Variants in B9D1 observed in about 807,000 individuals in gnomAD.
B9D1 encodes B9 domain-containing protein 1.
Under a neutral mutation model 26.1 loss-of-function variants are expected in B9D1, and 20 were observed. That is an observed-to-expected ratio of 0.77 (90% confidence interval 0.54 to 1.12). The LOEUF is 1.12. Ranked by LOEUF, B9D1 falls within the 50% of genes most tolerant of loss-of-function variation. The pLI, the probability that B9D1 is intolerant of heterozygous loss-of-function variation, is 0.00. For synonymous variants in B9D1, 105 were observed against 103.1 expected, an observed-to-expected ratio of 1.02 and a Z score of -0.11; for missense variants, 260 against 273.7, an observed-to-expected ratio of 0.95 and a Z score of 0.35.
At chr17:19,355,515 CTCTG>C (rs1475235934) in intron 3 of B9D1, among the ~76,000 whole-genome samples, 2 of 139,982 alleles carry the variant, frequency 1.4e-5, no homozygotes. Context: ...CAGAGCAAGA[CTCTG>C]TCTGCAATTA....
chr17:19,346,961 C>G (rs1457154013), intron 5 of B9D1: 1 of 1,506,370 alleles, frequency 6.6e-7, no homozygotes, highest in African/African-American at 1.4e-5. Flanking sequence ...CCTCTTGTTT[C>G]CCACCTTTTA....
Position 19,358,719 on chromosome 17 carries a change from T to C in B9D1, c.133-768A>G, listed in dbSNP as rs1274643026. On this transcript the variant is annotated intron_variant, in intron 2 of 6. Transcript: ENST00000261499. ...AGTGTTGCCGTCCTAAGGCTGCATC[T>C]TTGGCCAGCTCCTCTACCTGTACTT... Among the ~76,000 whole-genome samples the C allele has an allele frequency of 1.3e-5, 2 of 152,186 alleles. 1 individual carries two copies. Among genetic ancestry groups the C allele is most frequent in the Admixed American group, 1.3e-4 (2 of 15,288 alleles).
intron 3 of B9D1, among the ~76,000 whole-genome samples, chr17:19,356,537 G>GCTA (rs1910383439): frequency 6.6e-6 from 1 of 152,152 alleles, no homozygotes; most frequent in South Asian, 2.1e-4. Context: ...TTATTCCTAG[G>GCTA]GCAGCTCTTT....
upstream of B9D1, chr17:19,363,079 A>G (rs1911348747): frequency 5.3e-6 from 1 of 187,318 alleles, no homozygotes; most frequent in African/African-American, 2.4e-5. Context: ...GCTGCAGAGC[A>G]CGGGCGACGT....
chr17:19,349,346 C>T (rs752407741), intron 3 of B9D1, among the ~76,000 whole-genome samples: 54 of 151,908 alleles, frequency 3.6e-4, no homozygotes, highest in South Asian at 4.2e-4. Flanking sequence ...GTCTCTTGCC[C>T]GGTTTTCTAC....
At chr17:19,368,521 T>C (rs1182160156) in intron 1 of B9D1, among the ~76,000 whole-genome samples, 1 of 152,116 alleles carries the variant, frequency 6.6e-6, no homozygotes, top group African/African-American at 2.4e-5. Context: ...TCCCTACTAG[T>C]AGGGCTCAGT....
intron 3 of B9D1, among the ~76,000 whole-genome samples, chr17:19,356,875 G>A (rs1910423336): frequency 1.3e-5 from 2 of 152,112 alleles, no homozygotes; most frequent in South Asian, 2.1e-4. Flanking sequence ...GAGGAGGTTC[G>A]TCCAGTACCT....
At chr17:19,343,142 T>TAAAC, downstream of B9D1, 1 of 1,436,216 alleles carries the variant, frequency 7.0e-7, no homozygotes. Flanking sequence ...GGGGAGGGGC[T>TAAAC]AAACAGGAGA....
At chr17:19,341,098 T>C (rs991898188), downstream of B9D1, 37 of 1,222,404 alleles carry the variant, frequency 3.0e-5, no homozygotes, top group African/African-American at 5.6e-4. Flanking sequence ...ATTTAGACAT[T>C]TCAGTAATGT....
intron 3 of B9D1, among the ~76,000 whole-genome samples, chr17:19,355,601 G>A (rs1001205088): frequency 4.0e-5 from 6 of 151,716 alleles, no homozygotes; most frequent in African/African-American, 4.8e-5. Flanking sequence ...AGGCTGAGGC[G>A]GGCAGATCAC....
At chr17:19,369,359 GT>G (rs1567911438) in intron 1 of B9D1, among the ~76,000 whole-genome samples, 2 of 152,212 alleles carry the variant, frequency 1.3e-5, no homozygotes, top group African/African-American at 4.8e-5. Flanking sequence ...CGCGTTCGGT[GT>G]GTCATGCTGG....
downstream of B9D1, chr17:19,341,290 T>C: frequency 1.6e-6 from 2 of 1,231,960 alleles, no homozygotes; most frequent in Non-Finnish European, 1.0e-6. Flanking sequence ...GGTGAGGCCA[T>C]GGACAGAGAA....
At chr17:19,373,019 G>A (rs1014272894) in intron 1 of B9D1, among the ~76,000 whole-genome samples, 20 of 152,076 alleles carry the variant, frequency 1.3e-4, no homozygotes, top group South Asian at 2.1e-4. Flanking sequence ...TGGCTGAGCC[G>A]GACTCCCTGT....
intron 1 of B9D1, among the ~76,000 whole-genome samples, chr17:19,375,252 C>T (rs1027317137): frequency 6.6e-5 from 10 of 151,546 alleles, no homozygotes; most frequent in South Asian, 2.1e-4. Flanking sequence ...ATCCTACCAC[C>T]GCACTCTAGC....
chr17:19,373,189 G>A (rs1315669851), intron 1 of B9D1, among the ~76,000 whole-genome samples: 1 of 152,158 alleles, frequency 6.6e-6, no homozygotes, highest in East Asian at 1.9e-4. Context: ...TGAAATGAGG[G>A]TAAGGTTCTG....
chr17:19,343,667 C>T, intron 6 of B9D1, 123 bp downstream of exon 6: 1 of 1,604,962 alleles, frequency 6.2e-7, no homozygotes, highest in Non-Finnish European at 8.5e-7. Context: ...CATCTGGGAA[C>T]ATTTGTGGGC....
At chr17:19,346,361 C>A (rs963248818) in intron 5 of B9D1, among the ~76,000 whole-genome samples, 24 of 152,350 alleles carry the variant, frequency 1.6e-4, no homozygotes, top group Middle Eastern at 3.4e-3. Flanking sequence ...GCCCTGGGCG[C>A]GATGCTGTCC....
In B9D1 at chr17:19,362,709, G is replaced by T; in HGVS notation, c.-140C>A. On this transcript the variant is annotated 5_prime_UTR_variant, in exon 1 of 7. Coordinates refer to ENST00000261499, the MANE Select transcript of B9D1 (RefSeq NM_015681.6). ...ACACCTTCGCGAAGGCCACGCGAGTGCGCGTGTGGCATGCGCAGGCGCAGT... is the reference window on the plus strand; with the variant it reads ...ACACCTTCGCGAAGGCCACGCGAGTTCGCGTGTGGCATGCGCAGGCGCAGT... The T allele has an allele frequency of 6.5e-7, 1 of 1,531,138 alleles. No homozygotes were observed. Among genetic ancestry groups the T allele is most frequent in the South Asian group, 1.2e-5 (1 of 83,484 alleles). 94.8% of individuals were successfully genotyped at this position (1,531,138 alleles called of 1,614,324 possible). A position where few individuals can be genotyped will look rare whatever the true frequency, so the allele number is the denominator to read the frequency against.
intron 1 of B9D1, among the ~76,000 whole-genome samples, chr17:19,374,382 A>G (rs1912016401): frequency 6.6e-6 from 1 of 152,222 alleles, no homozygotes; most frequent in Admixed American, 6.5e-5. Flanking sequence ...CCCATTTTTG[A>G]CAGGCAAATA....
Sources: gnomAD v4.1 joint callset for allele counts (sites outside exome capture counted in the v4.1 genomes callset) on GRCh38, gnomAD v4.1.1 for gene constraint, MANE v1.5 for transcripts, NCBI Gene and HGNC (gene_info 2026-07-23, HGNC 2026-07-21) for gene names.